The following MED12L variants were observed in gnomAD, a reference collection of about 807,000 sequenced individuals.
MED12L encodes the protein mediator of RNA polymerase II transcription subunit 12-like protein.
MED12L carries 60 observed loss-of-function variants against 281.3 expected under a neutral mutation model. The ratio of observed to expected loss-of-function variants is 0.21; its 90% CI spans 0.17 to 0.26. The LOEUF (loss-of-function observed/expected upper bound fraction) is 0.26, where lower values mean the gene tolerates loss of function less well. Ranked by LOEUF, MED12L falls within the 10% of genes least tolerant of loss-of-function variation. The probability of loss-of-function intolerance (pLI) is 1.00; values close to 1 mark genes in which losing one functional copy is unlikely to be tolerated. For synonymous variants in MED12L, 974 were observed against 987.2 expected (o/e 0.99, Z 0.25); for missense variants, 2,146 against 2,680.9 (o/e 0.80, Z 4.41).
At position 151,086,130 on chromosome 3, in the gene MED12L, C is replaced by T. The variant is rs1386690108; in HGVS notation, c.-130+194C>T. The stretch of plus-strand genomic sequence containing the variant: ...CGGCCCCACGCCACCGTGAGCACGG[C>T]CCCCTCCAGCCGCCGCGACCGCCAG... On this transcript the variant is annotated intron_variant, in intron 1 of 44. Coordinates refer to ENST00000687756, the MANE Select transcript of MED12L (RefSeq NM_001393769.1). Among the ~76,000 whole-genome samples the T allele has an allele frequency of 4.6e-5, 7 of 152,190 alleles. No individual in the cohort carries two copies. The East Asian group carries it at 5.8e-4, about 13-fold the overall frequency.
chr3:151,339,141 G>A (rs913434226), intron 16 of MED12L, among the ~76,000 whole-genome samples: 3 of 152,032 alleles, frequency 2.0e-5, no homozygotes, highest in Admixed American at 2.0e-4. Flanking sequence ...AGCACATTTT[G>A]TCTTAGAGCT....
At chr3:151,277,416 G>GT (rs1363901237) in intron 16 of MED12L, among the ~76,000 whole-genome samples, 10 of 150,954 alleles carry the variant, frequency 6.6e-5, no homozygotes, top group South Asian at 6.3e-4. Context: ...TAATGGCTAG[G>GT]TTTTTTTTTA....
chr3:151,345,521 T>C (rs1295402594), intron 16 of MED12L, among the ~76,000 whole-genome samples: 6 of 134,650 alleles, frequency 4.5e-5, no homozygotes, highest in Admixed American at 2.9e-4. Flanking sequence ...CTTTTTCTTT[T>C]TTTTTTTTTT....
chr3:151,220,419 T>A (rs1248855221), intron 16 of MED12L, among the ~76,000 whole-genome samples: 1 of 152,252 alleles, frequency 6.6e-6, no homozygotes, highest in Non-Finnish European at 1.5e-5. Context: ...CCTGGGATCT[T>A]GCTAAAATGA....
chr3:151,390,184 G>T (rs1362518632), intron 38 of MED12L, 49 bp downstream of exon 38: 1 of 1,585,532 alleles, frequency 6.3e-7, no homozygotes, highest in African/African-American at 1.3e-5. Flanking sequence ...AACAGCTTGT[G>T]GTTCTCTTTG....
At chr3:151,125,881 G>A (rs1435426783) in intron 4 of MED12L, among the ~76,000 whole-genome samples, 1 of 152,104 alleles carries the variant, frequency 6.6e-6, no homozygotes, top group African/African-American at 2.4e-5. Flanking sequence ...AAGCCTTCTA[G>A]CGTTGGCCTA....
At chr3:151,399,834 T>C (rs529642759) in intron 39 of MED12L, among the ~76,000 whole-genome samples, 3 of 142,552 alleles carry the variant, frequency 2.1e-5, no homozygotes, top group East Asian at 2.1e-4. Flanking sequence ...TTCTTTCTTT[T>C]TTTTTTTCTT....
chr3:151,328,571 G>GT, intron 16 of MED12L: 2 of 1,613,566 alleles, frequency 1.2e-6, no homozygotes. Flanking sequence ...GATTGAGACC[G>GT]TTTTTGCAAA....
chr3:151,192,669 T>C lies in MED12L; in HGVS notation c.2073+15T>C. On this transcript the variant is annotated intron_variant, in intron 15 of 44. Transcript: ENST00000687756. ...CGGAATTTCCAGTAGGTTCAATCTT[T>C]GATTCTTATTGACAATTAAGAATTA... is the stretch of plus-strand genomic sequence containing the variant. The C allele has an allele frequency of 2.1e-6, 3 of 1,430,296 alleles. No homozygotes were observed. The highest frequency in any genetic ancestry group is 2.9e-6 in the Non-Finnish European group (3 of 1,050,016). 88.6% of individuals were successfully genotyped at this position (1,430,296 alleles called of 1,614,324 possible). A position where few individuals can be genotyped will look rare whatever the true frequency, so the allele number is the denominator to read the frequency against.
chr3:151,368,685 A>ATTTTTTTTTTTTT (rs869105325), intron 25 of MED12L, among the ~76,000 whole-genome samples: 6 of 41,368 alleles, frequency 1.5e-4, no homozygotes, highest in South Asian at 9.4e-4. Context: ...ATGTCATTTC[A>ATTTTTTTTTTTTT]TTTTATTTCA....
intron 16 of MED12L, among the ~76,000 whole-genome samples, chr3:151,252,566 A>T (rs1016695019): frequency 6.6e-6 from 1 of 152,050 alleles, no homozygotes; most frequent in Non-Finnish European, 1.5e-5. Context: ...TGCTTCCTTA[A>T]TTTTCTCTTT....
chr3:151,300,665 T>G (rs961418936), intron 16 of MED12L, among the ~76,000 whole-genome samples: 1 of 152,196 alleles, frequency 6.6e-6, no homozygotes, highest in Non-Finnish European at 1.5e-5. Context: ...CTCTTTCTCA[T>G]GAAATAAAAC....
At chr3:151,430,006 A>G (rs906611102) in intron 43 of MED12L, among the ~76,000 whole-genome samples, 7 of 152,222 alleles carry the variant, frequency 4.6e-5, no homozygotes, top group African/African-American at 1.7e-4. Context: ...GATGACCAGG[A>G]TCTTTGAGCT....
At chr3:151,211,181 GA>G (rs1175102354) in intron 16 of MED12L, among the ~76,000 whole-genome samples, 1 of 152,160 alleles carries the variant, frequency 6.6e-6, no homozygotes, top group Non-Finnish European at 1.5e-5. Flanking sequence ...GTTGTTTCCT[GA>G]AAAATATTAC....
rs115012630 is a variant in MED12L, at chr3:151,161,652, C to T, written c.1107+1551C>T. ...TAAGTTGCAACGTATGTTATTAAGT[C>T]ATTTAGTTCTTGGAACTAGCCTTTG... On this transcript the variant is annotated intron_variant, in intron 8 of 44. Transcript: ENST00000687756. Among the ~76,000 whole-genome samples the T allele has an allele frequency of 1.2e-3, 185 of 152,268 alleles. 2 individuals carry two copies. Among genetic ancestry groups the T allele is most frequent in the Non-Finnish European group, 1.8e-3 (120 of 68,004 alleles).
intron 5 of MED12L, among the ~76,000 whole-genome samples, chr3:151,153,273 AGGTAGAGTAT>A (rs1395849965): frequency 6.6e-6 from 1 of 152,210 alleles, no homozygotes; most frequent in African/African-American, 2.4e-5. Context: ...TCTGGATGCT[AGGTAGAGTAT>A]GGTCCAAAAA....
At chr3:151,300,419 C>T (rs1447629509) in intron 16 of MED12L, among the ~76,000 whole-genome samples, 2 of 152,146 alleles carry the variant, frequency 1.3e-5, no homozygotes, top group Non-Finnish European at 2.9e-5. Context: ...CATTTCTGAG[C>T]TTTGCATTCT....
intron 43 of MED12L, among the ~76,000 whole-genome samples, chr3:151,421,539 A>C (rs1718249660): frequency 6.6e-6 from 1 of 151,862 alleles, no homozygotes; most frequent in Admixed American, 6.6e-5. Context: ...GCCTCCCAAG[A>C]AGCTGGGATT....
At chr3:151,368,054 A>G in intron 24 of MED12L, 96 bp from the exon 25 acceptor site, 1 of 1,030,104 alleles carries the variant, frequency 9.7e-7, no homozygotes, top group Non-Finnish European at 1.4e-6. Context: ...AAATTTATTT[A>G]AATAATTATT....
Sources: allele counts gnomAD v4.1 joint callset (sites outside exome capture counted in the v4.1 genomes callset), GRCh38; gene constraint gnomAD v4.1.1; transcripts MANE v1.5; gene names NCBI Gene and HGNC (gene_info 2026-07-23, HGNC 2026-07-21).